The following SHROOM4 variants were observed in gnomAD, a reference collection of about 807,000 sequenced individuals.
SHROOM4 encodes the protein protein Shroom4.
Under a neutral mutation model 80.3 loss-of-function variants are expected in SHROOM4, and 17 were observed. That is an observed-to-expected ratio of 0.21 (90% CI 0.14 to 0.32). The LOEUF (loss-of-function observed/expected upper bound fraction) is 0.32. Among genes scored for constraint, SHROOM4 ranks in the 10% least tolerant of loss-of-function variants. SHROOM4 has a pLI of 1.00. For synonymous variants in SHROOM4, 400 were observed against 437.5 expected, an observed-to-expected ratio of 0.91 and a Z score of 1.07; for missense variants, 993 against 1,140.3, an observed-to-expected ratio of 0.87 and a Z score of 1.86.
chrX:50,591,469 T>C lies in SHROOM4; in HGVS notation c.*5226A>G, dbSNP rs1347851693. Among the ~76,000 whole-genome samples, 4 of 111,988 alleles carry C rather than the reference T, an allele frequency of 3.6e-5. No individual in the cohort carries two copies. In the Admixed American group the frequency reaches 3.8e-4, roughly 11 times the overall value. On this transcript the variant is annotated 3_prime_UTR_variant, in exon 9 of 9. Coordinates refer to ENST00000376020, the MANE Select transcript of SHROOM4 (RefSeq NM_020717.5). The stretch of plus-strand genomic sequence containing the variant: ...TCTGATAAGCACTGGATTGAATCTG[T>C]AGATCAATTTGGGGCACATTTCATC...
Position 50,633,550 on chromosome X carries a change from G to C in SHROOM4, c.2523C>G (p.Asp841Glu). 2.5e-6 allele frequency: 3 copies of C among 1,211,741 alleles called. No individual in the cohort carries two copies. The highest frequency in any genetic ancestry group is 3.4e-6 in the Non-Finnish European group (3 of 895,504). Reference sequence around the variant, plus strand: ...GGGGTGACATGGAATGATATGATTGGTCTGTGGCATGATATGGTTGGTCTG... The same window carrying C: ...GGGGTGACATGGAATGATATGATTGCTCTGTGGCATGATATGGTTGGTCTG... ...HSADQPYHAT[D>E]QSYHSMSPLQ... The change falls in exon 4 of 9, where the codon GAC (aspartate) becomes GAG (glutamate). Residue 841 changes from aspartate (D) to glutamate (E), a missense_variant. By Grantham distance (45) the Asp-to-Glu change is conservative (BLOSUM62 2). Coordinates refer to ENST00000376020, the MANE Select transcript of SHROOM4 (RefSeq NM_020717.5).
chrX:50,583,683 T>G (rs1557244507), downstream of SHROOM4, among the ~76,000 whole-genome samples: 1 of 110,858 alleles, frequency 9.0e-6, no homozygotes, highest in Non-Finnish European at 1.9e-5. Context: ...AGGGTGGCCT[T>G]TAGGATCTGA....
chrX:50,752,867 G>A (rs1934951698), intron 1 of SHROOM4, among the ~76,000 whole-genome samples: 1 of 111,281 alleles, frequency 9.0e-6, no homozygotes, highest in East Asian at 2.8e-4. Flanking sequence ...TATGCTTTTG[G>A]GGCTGCCAAC....
the SHROOM4 span, among the ~76,000 whole-genome samples, chrX:50,579,334 G>A: frequency 8.9e-6 from 1 of 112,001 alleles, no homozygotes; most frequent in Admixed American, 9.5e-5. Context: ...GGGTGACAGT[G>A]GTTGAAGCGA....
At position 50,690,953 on chromosome X, in the gene SHROOM4, C is replaced by G. The variant is rs151250855; in HGVS notation, c.269+4833G>C. On this transcript the variant is annotated intron_variant, in intron 2 of 8. Transcript: ENST00000376020. The stretch of plus-strand genomic sequence containing the variant: ...CTGCACTCTAGCCTGGGCAACAAAG[C>G]AAGACTCTATCTCAAAAAAAGAGTT... 6.8e-3 allele frequency among the ~76,000 whole-genome samples: 766 copies of G among 112,589 alleles called. 9 individuals carry two copies. The highest frequency in any genetic ancestry group is 0.023 in the Middle Eastern group (5 of 217).
chrX:50,768,365 G>A (rs187824753), intron 1 of SHROOM4, among the ~76,000 whole-genome samples: 74 of 111,999 alleles, frequency 6.6e-4, no homozygotes, highest in African/African-American at 2.3e-3. Flanking sequence ...CCTTCATTTT[G>A]AGCCACACAA....
At chrX:50,678,662 G>C (rs782183764) in intron 2 of SHROOM4, among the ~76,000 whole-genome samples, 11 of 111,095 alleles carry the variant, frequency 9.9e-5, no homozygotes, top group African/African-American at 3.6e-4. Flanking sequence ...ATGTTTTGAG[G>C]GTCTGGCAGA....
chrX:50,652,025 T>C (rs782058383), intron 2 of SHROOM4, among the ~76,000 whole-genome samples: 3 of 111,942 alleles, frequency 2.7e-5, no homozygotes, highest in Non-Finnish European at 5.6e-5. Flanking sequence ...CTATTGTCAG[T>C]AGTGCTACAA....
chrX:50,727,416 C>A (rs1469085010), intron 1 of SHROOM4, among the ~76,000 whole-genome samples: 2 of 111,579 alleles, frequency 1.8e-5, no homozygotes, highest in African/African-American at 6.5e-5. Context: ...TTGGGAGGGG[C>A]TGGGGCAGAA....
At chrX:50,602,884 C>T in intron 6 of SHROOM4, 71 bp from the exon 7 acceptor site, 1 of 1,032,771 alleles carries the variant, frequency 9.7e-7, no homozygotes, top group Non-Finnish European at 1.3e-6. Flanking sequence ...TTCTTAATTT[C>T]TCCATCTGAA....
At chrX:50,609,774 T>C (rs1427167063) in intron 5 of SHROOM4, among the ~76,000 whole-genome samples, 8 of 109,270 alleles carry the variant, frequency 7.3e-5, no homozygotes, top group African/African-American at 2.7e-4. Context: ...GAAAAACCTA[T>C]CAGAAAATTA....
At chrX:50,716,896 G>T (rs1372866601) in intron 1 of SHROOM4, among the ~76,000 whole-genome samples, 1 of 112,623 alleles carries the variant, frequency 8.9e-6, no homozygotes, top group Admixed American at 9.4e-5. Flanking sequence ...CTTAAAGCCT[G>T]CCTCTTCCCT....
intron 4 of SHROOM4, among the ~76,000 whole-genome samples, chrX:50,630,017 G>A (rs1312081974): frequency 3.6e-5 from 4 of 111,142 alleles, no homozygotes; most frequent in Non-Finnish European, 7.6e-5. Context: ...GGAATGCCTA[G>A]TATCTAAGCA....
At chrX:50,718,473 C>A (rs894113224) in intron 1 of SHROOM4, among the ~76,000 whole-genome samples, 7 of 96,749 alleles carry the variant, frequency 7.2e-5, no homozygotes, top group Non-Finnish European at 1.1e-4. Context: ...GCAGCTGGGG[C>A]AGCAGGAGGG....
intron 3 of SHROOM4, 98 bp downstream of exon 3, chrX:50,638,076 T>C (rs1197415553): frequency 9.5e-7 from 1 of 1,057,514 alleles, no homozygotes; most frequent in African/African-American, 1.8e-5. Flanking sequence ...ATTATAGTAC[T>C]TGAGGCTCTA....
At position 50,587,251 on chromosome X, in the gene SHROOM4, G is replaced by C. The variant is rs144155366; in HGVS notation, c.*9444C>G. Among the ~76,000 whole-genome samples the C allele has an allele frequency of 4.4e-3, 493 of 112,256 alleles. 2 individuals are homozygous for C. Among genetic ancestry groups the C allele is most frequent in the Middle Eastern group, 0.018 (4 of 217 alleles). ...GGCAAGGGATAACAAATGTTGATGA[G>C]GGTATGGAGGAAAGGAAACCCTGGT... On this transcript the variant is annotated 3_prime_UTR_variant, in exon 9 of 9. Coordinates refer to ENST00000376020, the MANE Select transcript of SHROOM4 (RefSeq NM_020717.5).
In SHROOM4 at chrX:50,660,526, CT is replaced by C; in HGVS notation, c.270-22219del. ...GTTGAGCTTCTCTCTCTCTCTCTCT[CT>C]CCCTCCCTCCCTCCCTCCCTCTCTC... is the stretch of plus-strand genomic sequence containing the variant. On this transcript the variant is annotated intron_variant, in intron 2 of 8. Coordinates refer to ENST00000376020, the MANE Select transcript of SHROOM4 (RefSeq NM_020717.5). Among the ~76,000 whole-genome samples the C allele has an allele frequency of 1.1e-4, 5 of 43,825 alleles. No individual in the cohort carries two copies. The Admixed American group carries it at 1.7e-3, about 15-fold the overall frequency. 38.1% of individuals were successfully genotyped at this position (43,825 alleles called of 115,157 possible). A position where few individuals can be genotyped will look rare whatever the true frequency, so the allele number is the denominator to read the frequency against.
intron 1 of SHROOM4, among the ~76,000 whole-genome samples, chrX:50,797,321 C>T (rs1936036696): frequency 1.8e-5 from 2 of 111,873 alleles, no homozygotes. Flanking sequence ...TAATTAAATA[C>T]AATGTGGCTG....
At chrX:50,801,467 C>T (rs1936121247) in intron 1 of SHROOM4, among the ~76,000 whole-genome samples, 2 of 110,927 alleles carry the variant, frequency 1.8e-5, no homozygotes, top group Admixed American at 1.9e-4. Context: ...ATTAACTCTC[C>T]CTGATCCTTA....
Sources: allele counts gnomAD v4.1 joint callset (sites outside exome capture counted in the v4.1 genomes callset), GRCh38; gene constraint gnomAD v4.1.1; transcripts MANE v1.5; gene names NCBI Gene and HGNC (gene_info 2026-07-23, HGNC 2026-07-21).